PRKCH: variants seen among roughly 807,000 people sequenced by gnomAD.
The protein encoded by PRKCH is protein kinase C eta.
Under a neutral mutation model 82.5 loss-of-function variants are expected in PRKCH, and 28 were observed. The observed-to-expected ratio is 0.34, with a 90% CI of 0.25 to 0.47. PRKCH has a LOEUF of 0.47. PRKCH is among the 20% of genes least tolerant of loss of function. The probability of loss-of-function intolerance (pLI) is 1.00; values close to 1 mark genes in which losing one functional copy is unlikely to be tolerated. For missense variants in PRKCH, 705 were observed against 881.8 expected, an observed-to-expected ratio of 0.80 and a Z score of 2.54; for synonymous variants, 322 against 327.4, an observed-to-expected ratio of 0.98 and a Z score of 0.18.
intron 9 of PRKCH, among the ~76,000 whole-genome samples, chr14:61,482,852 C>G (rs1480770946): frequency 2.0e-5 from 3 of 152,310 alleles, no homozygotes; most frequent in East Asian, 3.9e-4. Context: ...TTTCTCCCCC[C>G]AGATCTGGAA....
At chr14:61,489,950 G>A (rs990510432) in intron 10 of PRKCH, among the ~76,000 whole-genome samples, 3 of 152,308 alleles carry the variant, frequency 2.0e-5, no homozygotes, top group South Asian at 4.1e-4. Flanking sequence ...GACAAAGTGT[G>A]GAATACTGTA....
intron 1 of PRKCH, among the ~76,000 whole-genome samples, chr14:61,342,453 T>C (rs1374987875): frequency 6.6e-6 from 1 of 152,166 alleles, no homozygotes; most frequent in East Asian, 1.9e-4. Context: ...TAATTAATTA[T>C]GGATTTTTAT....
chr14:61,382,057 C>T (rs960372023), intron 1 of PRKCH, among the ~76,000 whole-genome samples: 3 of 152,138 alleles, frequency 2.0e-5, no homozygotes, highest in Non-Finnish European at 4.4e-5. Context: ...ACTCTGCAAG[C>T]GGTGGAGGTG....
chr14:61,510,448 C>A (rs537280922), intron 10 of PRKCH, among the ~76,000 whole-genome samples: 1 of 151,552 alleles, frequency 6.6e-6, no homozygotes, highest in African/African-American at 2.4e-5. Context: ...CGATTCACAT[C>A]GAAGGGAGTC....
intron 1 of PRKCH, among the ~76,000 whole-genome samples, chr14:61,250,827 C>T (rs1048876559): frequency 6.6e-6 from 1 of 151,746 alleles, no homozygotes; most frequent in Non-Finnish European, 1.5e-5. Flanking sequence ...GCATGTGGGG[C>T]AAGAAGTAGA....
chr14:61,378,394 A>C (rs1199287356), intron 1 of PRKCH, among the ~76,000 whole-genome samples: 1 of 151,526 alleles, frequency 6.6e-6, no homozygotes, highest in African/African-American at 2.4e-5. Context: ...TTTTATAGAG[A>C]TGGGGTCTTA....
At chr14:61,270,074 G>A (rs1191754966) in intron 1 of PRKCH, among the ~76,000 whole-genome samples, 1 of 152,204 alleles carries the variant, frequency 6.6e-6, no homozygotes, top group Non-Finnish European at 1.5e-5. Flanking sequence ...TAGTAAATTT[G>A]AGGAAATGTG....
intron 1 of PRKCH, among the ~76,000 whole-genome samples, chr14:61,261,182 G>A (rs370448031): frequency 2.4e-4 from 37 of 152,260 alleles, no homozygotes; most frequent in Non-Finnish European, 3.8e-4. Flanking sequence ...AACTGTTGCC[G>A]TCACCAACGC....
chr14:61,385,211 T>A (rs2046569286), intron 1 of PRKCH, among the ~76,000 whole-genome samples: 1 of 152,154 alleles, frequency 6.6e-6, no homozygotes, highest in African/African-American at 2.4e-5. Flanking sequence ...ACCTCAGCTC[T>A]GTTCTATTAG....
chr14:61,424,512 C>G (rs1030252969), intron 2 of PRKCH, among the ~76,000 whole-genome samples: 2 of 152,206 alleles, frequency 1.3e-5, no homozygotes, highest in African/African-American at 4.8e-5. Context: ...AGCAAAGAGA[C>G]TGACAGCATT....
At chr14:61,524,677 A>G (rs1010792813) in intron 10 of PRKCH, among the ~76,000 whole-genome samples, 1 of 152,100 alleles carries the variant, frequency 6.6e-6, no homozygotes, top group African/African-American at 2.4e-5. Context: ...GCTGACCATG[A>G]CTGTAAATGG....
At chr14:61,385,353 C>G (rs2046571466) in intron 1 of PRKCH, among the ~76,000 whole-genome samples, 1 of 149,078 alleles carries the variant, frequency 6.7e-6, no homozygotes, top group Non-Finnish European at 1.5e-5. Context: ...CTGGGACAAG[C>G]CAAAATATTG....
intron 1 of PRKCH, among the ~76,000 whole-genome samples, chr14:61,257,267 T>C (rs1427061389): frequency 6.6e-6 from 1 of 152,048 alleles, no homozygotes; most frequent in African/African-American, 2.4e-5. Flanking sequence ...ATGGAACACA[T>C]TTATCTAAAA....
Position 61,220,088 on chromosome 14 carries a change from C to T in PRKCH, c.-19+32420C>T, listed in dbSNP as rs78183993. Among the ~76,000 whole-genome samples, 872 of 152,250 alleles carry T rather than the reference C, an allele frequency of 5.7e-3. 31 individuals carry two copies. The East Asian group carries it at 0.1, about 18-fold the overall frequency. On this transcript the variant is annotated intron_variant, in intron 1 of 3. Transcript: ENST00000555185. ...GACGCTGCCACAGTACTGGAGAAGC[C>T]CTGGGAAGGCAGACAGTCCCAGGGC... is the stretch of plus-strand genomic sequence containing the variant.
At position 61,522,748 on chromosome 14, in the gene PRKCH, A is replaced by T. The variant is rs2042921982; in HGVS notation, c.1434-6327A>T. On this transcript the variant is annotated intron_variant, in intron 10 of 13. Coordinates refer to ENST00000332981, the MANE Select transcript of PRKCH (RefSeq NM_006255.5). ...CTGTCTGCTTCTCCCACCAGACATTAACCCCCTTGTGGGTAGAGATGGTGC... is the reference window on the plus strand; with the variant it reads ...CTGTCTGCTTCTCCCACCAGACATTTACCCCCTTGTGGGTAGAGATGGTGC... Among the ~76,000 whole-genome samples, 8 of 152,344 alleles carry T rather than the reference A, an allele frequency of 5.3e-5. No individual in the cohort carries two copies. The South Asian group carries it at 1.7e-3, about 32-fold the overall frequency.
chr14:61,299,521 A>G (rs527776573), intron 1 of PRKCH, among the ~76,000 whole-genome samples: 11 of 152,206 alleles, frequency 7.2e-5, no homozygotes, highest in Middle Eastern at 6.8e-3. Flanking sequence ...GCCACCTGTG[A>G]CCAATTATTA....
At chr14:61,414,635 G>A (rs1238027202) in intron 2 of PRKCH, among the ~76,000 whole-genome samples, 2 of 136,232 alleles carry the variant, frequency 1.5e-5, no homozygotes, top group Non-Finnish European at 3.1e-5. Context: ...TGCCCAGGCT[G>A]CACTGGCTAA....
At position 61,429,296 on chromosome 14, in the gene PRKCH, A is replaced by T. The variant is rs565597211; in HGVS notation, c.428-13815A>T. Among the ~76,000 whole-genome samples, 4 of 152,340 alleles carry T rather than the reference A, an allele frequency of 2.6e-5. No individual in the cohort carries two copies. The South Asian group carries it at 8.3e-4, about 32-fold the overall frequency. ...AGGATTACTATGTTCATGTTATGGA[A>T]CCAATTTGTAAGTTTTGGGTAACAG... is the stretch of plus-strand genomic sequence containing the variant. On this transcript the variant is annotated intron_variant, in intron 2 of 13. Transcript: ENST00000332981.
At chr14:61,378,083 C>T (rs1037903065) in intron 1 of PRKCH, among the ~76,000 whole-genome samples, 3 of 152,198 alleles carry the variant, frequency 2.0e-5, no homozygotes, top group African/African-American at 7.2e-5. Context: ...TCACAGGTTG[C>T]TCCTGACTCA....
Sources: gnomAD v4.1 joint callset for allele counts (sites outside exome capture counted in the v4.1 genomes callset) on GRCh38, gnomAD v4.1.1 for gene constraint, MANE v1.5 for transcripts, NCBI Gene and HGNC (gene_info 2026-07-23, HGNC 2026-07-21) for gene names.